Variants in ANLN observed in about 807,000 individuals in gnomAD.
ANLN encodes anillin, actin binding protein, also known as anillin.
Under a neutral mutation model 135.1 loss-of-function variants are expected in ANLN, and 59 were observed. The ratio of observed to expected loss-of-function variants is 0.44; its 90% CI spans 0.35 to 0.54. The LOEUF (loss-of-function observed/expected upper bound fraction) is 0.54, where lower values mean the gene tolerates loss of function less well. Ranked by LOEUF, ANLN falls within the 20% of genes least tolerant of loss-of-function variation. The pLI is 0.00. For synonymous variants in ANLN, 406 were observed against 456.4 expected, an observed-to-expected ratio of 0.89 and a Z score of 1.41; for missense variants, 1,182 against 1,340.0, an observed-to-expected ratio of 0.88 and a Z score of 1.84.
chr7:36,415,073 T>A (rs1234416984), intron 7 of ANLN, among the ~76,000 whole-genome samples: 1 of 152,282 alleles, frequency 6.6e-6, no homozygotes, highest in Non-Finnish European at 1.5e-5. Flanking sequence ...ACTTCATTCA[T>A]AAAGTCTTCT....
chr7:36,407,690 A>T, intron 4 of ANLN, 44 bp from the exon 5 acceptor site: 1 of 1,389,302 alleles, frequency 7.2e-7, no homozygotes, highest in Non-Finnish European at 1.0e-6. Flanking sequence ...GACTATTTTT[A>T]GATATTGTGA....
chr7:36,452,415 T>C (rs1789283267), intron 23 of ANLN, 62 bp from the exon 24 acceptor site: 2 of 1,605,536 alleles, frequency 1.2e-6, no homozygotes, highest in Non-Finnish European at 1.7e-6. Context: ...CTAGCAAGAG[T>C]ACATGGGGGT....
At chr7:36,436,826 T>C (rs1449393235) in intron 20 of ANLN, among the ~76,000 whole-genome samples, 2 of 152,194 alleles carry the variant, frequency 1.3e-5, no homozygotes, top group African/African-American at 2.4e-5. Flanking sequence ...TGAGTTGTTT[T>C]AGTTGGGTTG....
chr7:36,392,353 G>A (rs1163128367), intron 1 of ANLN, among the ~76,000 whole-genome samples: 4 of 152,108 alleles, frequency 2.6e-5, no homozygotes, highest in African/African-American at 9.7e-5. Flanking sequence ...TGAGTCTACT[G>A]TGTTAAAGAA....
chr7:36,448,179 A>G (rs952129657), intron 22 of ANLN, among the ~76,000 whole-genome samples: 1 of 151,972 alleles, frequency 6.6e-6, no homozygotes, highest in Non-Finnish European at 1.5e-5. Flanking sequence ...ACGCACGGCT[A>G]GTTTTTGTAT....
chr7:36,417,508 A>G (rs1333340616), intron 9 of ANLN, among the ~76,000 whole-genome samples: 1 of 152,158 alleles, frequency 6.6e-6, no homozygotes, highest in East Asian at 1.9e-4. Flanking sequence ...CCACCACAAC[A>G]ATCATCAACA....
chr7:36,405,470 A>G (rs966294445), intron 3 of ANLN, among the ~76,000 whole-genome samples: 15 of 152,358 alleles, frequency 9.8e-5, no homozygotes, highest in Middle Eastern at 3.4e-3. Flanking sequence ...AGCTTTGGAC[A>G]GGAGGGATTC....
Position 36,407,901 on chromosome 7 carries a change from A to G in ANLN, c.1041A>G (p.Glu347=). The change falls in exon 5 of 24, where the codon GAA becomes GAG. Residue 347 remains glutamate (E), a synonymous_variant. Transcript: ENST00000265748. The part of the protein sequence containing the change: ...TLSQTVPSKG[E]LSREICLQSQ... Reference sequence around the variant, plus strand: ...CCCAGACAGTTCCATCCAAGGGAGAATTAAGTAGAGAAATTTGTCTGCAAT... The same window carrying G: ...CCCAGACAGTTCCATCCAAGGGAGAGTTAAGTAGAGAAATTTGTCTGCAAT... 2 of 1,613,872 alleles carry G rather than the reference A, an allele frequency of 1.2e-6. No individual in the cohort carries two copies. Among genetic ancestry groups the G allele is most frequent in the South Asian group, 1.1e-5 (1 of 91,070 alleles).
intron 20 of ANLN, among the ~76,000 whole-genome samples, chr7:36,436,769 A>G (rs1248933301): frequency 6.6e-6 from 1 of 152,194 alleles, no homozygotes; most frequent in African/African-American, 2.4e-5. Flanking sequence ...GTATCTTTGA[A>G]GAAATGTCTA....
intron 3 of ANLN, among the ~76,000 whole-genome samples, chr7:36,401,376 C>T (rs1308747533): frequency 2.0e-5 from 3 of 152,052 alleles, no homozygotes; most frequent in Admixed American, 6.5e-5. Flanking sequence ...TCTCACTGTG[C>T]TGCCCAGGCT....
chr7:36,440,004 T>C (rs1788700916), intron 21 of ANLN, among the ~76,000 whole-genome samples: 1 of 152,154 alleles, frequency 6.6e-6, no homozygotes, highest in Non-Finnish European at 1.5e-5. Flanking sequence ...GGAAAGCAGA[T>C]TGGAGAATGA....
Position 36,420,711 on chromosome 7 carries a change from T to A in ANLN, c.2130T>A (p.Phe710Leu), listed in dbSNP as rs760021410. The change falls in exon 12 of 24, where the codon TTT becomes TTA. Residue 710 changes from phenylalanine to leucine, a missense_variant. Phe to Leu is a conservative substitution (Grantham distance 22). Transcript: ENST00000265748. ...TSKLDEKNNA[F>L]PCQVNIKQKM... ...AACTGGATGAAAAAAATAATGCCTT[T>A]CCTTGTCAAGTTAATATCAAACAGA... 1 of 1,614,090 alleles carries A rather than the reference T, an allele frequency of 6.2e-7. No individual in the cohort carries two copies.
intron 18 of ANLN, 25 bp from the exon 19 acceptor site, chr7:36,425,990 T>C: frequency 6.7e-7 from 1 of 1,490,808 alleles, no homozygotes. Flanking sequence ...ATGTTTCTTC[T>C]TCACACCTTT....
chr7:36,390,277 T>G, intron 1 of ANLN: 1 of 645,522 alleles, frequency 1.5e-6, no homozygotes, highest in Non-Finnish European at 2.6e-6. Flanking sequence ...AGGCTTTGAG[T>G]CTGTCCTAAA....
chr7:36,430,663 G>C (rs779447446), intron 20 of ANLN, among the ~76,000 whole-genome samples: 4 of 152,156 alleles, frequency 2.6e-5, no homozygotes, highest in Non-Finnish European at 5.9e-5. Context: ...GGATTATACA[G>C]TTTTGGGATT....
chr7:36,405,191 T>C (rs989592093), intron 3 of ANLN, among the ~76,000 whole-genome samples: 2 of 152,186 alleles, frequency 1.3e-5, no homozygotes, highest in African/African-American at 2.4e-5. Context: ...GCTGTACAGG[T>C]TTTTAGCCTA....
At chr7:36,400,783 G>A (rs1446467401) in intron 3 of ANLN, among the ~76,000 whole-genome samples, 1 of 152,226 alleles carries the variant, frequency 6.6e-6, no homozygotes, top group East Asian at 1.9e-4. Flanking sequence ...CAGCCTGGCT[G>A]ATTGTATCAG....
intron 17 of ANLN, among the ~76,000 whole-genome samples, chr7:36,425,303 T>C (rs1376310572): frequency 6.7e-6 from 1 of 150,174 alleles, no homozygotes; most frequent in African/African-American, 2.4e-5. Context: ...CTTTTTTTTT[T>C]TTTTTTTTTG....
intron 20 of ANLN, among the ~76,000 whole-genome samples, chr7:36,433,125 A>G (rs1788398245): frequency 1.3e-5 from 2 of 152,136 alleles, no homozygotes; most frequent in African/African-American, 4.8e-5. Context: ...TCTTGAATCA[A>G]TTTTTAAAAG....
Sources: gnomAD v4.1 joint callset for allele counts (sites outside exome capture counted in the v4.1 genomes callset) on GRCh38, gnomAD v4.1.1 for gene constraint, MANE v1.5 for transcripts, NCBI Gene and HGNC (gene_info 2026-07-23, HGNC 2026-07-21) for gene names.